The following SKAP2 variants were observed in gnomAD, a reference collection of about 807,000 sequenced individuals.
SKAP2 encodes src kinase associated phosphoprotein 2, also known as src kinase-associated phosphoprotein 2.
Under a neutral mutation model 54.9 loss-of-function variants are expected in SKAP2, and 28 were observed. The observed-to-expected ratio is 0.51, with a 90% CI of 0.38 to 0.70. SKAP2 has a LOEUF of 0.70. Ranked by LOEUF, SKAP2 falls within the 30% of genes least tolerant of loss-of-function variation. The pLI is 0.00. For missense variants in SKAP2, 356 were observed against 424.1 expected, an observed-to-expected ratio of 0.84 and a Z score of 1.41; for synonymous variants, 137 against 134.3, an observed-to-expected ratio of 1.02 and a Z score of -0.14.
intron 4 of SKAP2, among the ~76,000 whole-genome samples, chr7:26,752,346 T>C (rs1054267415): frequency 2.0e-5 from 3 of 152,182 alleles, no homozygotes; most frequent in Non-Finnish European, 4.4e-5. Flanking sequence ...TTTTACAGTA[T>C]ATAAAATAAA....
At chr7:26,795,727 T>A (rs1168404105) in intron 4 of SKAP2, among the ~76,000 whole-genome samples, 1 of 152,162 alleles carries the variant, frequency 6.6e-6, no homozygotes, top group Non-Finnish European at 1.5e-5. Context: ...CTATGAAGAG[T>A]ACTGTTTGAG....
intron 4 of SKAP2, among the ~76,000 whole-genome samples, chr7:26,788,560 T>G (rs1783606901): frequency 6.6e-6 from 1 of 152,124 alleles, no homozygotes; most frequent in Non-Finnish European, 1.5e-5. Flanking sequence ...CTGTTCTAAC[T>G]GAAAATAAAG....
rs531428641 is a variant in SKAP2, at chr7:26,701,895, T to C, written c.797-11533A>G. On this transcript the variant is annotated intron_variant, in intron 9 of 12. Coordinates refer to ENST00000345317, the MANE Select transcript of SKAP2 (RefSeq NM_003930.5). Reference sequence around the variant, plus strand: ...TTTAAAAATACTTGTTTGTCATTAATACCACAAAATACCACAATATTTTTG... The same window carrying C: ...TTTAAAAATACTTGTTTGTCATTAACACCACAAAATACCACAATATTTTTG... Among the ~76,000 whole-genome samples the C allele has an allele frequency of 2.6e-5, 4 of 152,296 alleles. No homozygotes were observed. The South Asian group carries it at 6.2e-4, about 24-fold the overall frequency.
In SKAP2 at chr7:26,667,169, TAATC is replaced by T. The variant is rs1177289368; in HGVS notation, c.*2493_*2496del. 1.2e-4 allele frequency: 19 copies of T among 152,160 alleles called. No individual in the cohort carries two copies. Among genetic ancestry groups the T allele is most frequent in the East Asian group, 9.6e-4 (5 of 5,184 alleles). 9.4% of individuals were successfully genotyped at this position (152,160 alleles called of 1,614,324 possible). ...GAGTACAAATTCAGTACAGAGCAAATAATCAAGCAAAATGCTATATAAAATATGA... is the reference window on the plus strand; with the variant it reads ...GAGTACAAATTCAGTACAGAGCAAATAAGCAAAATGCTATATAAAATATGA... On this transcript the variant is annotated 3_prime_UTR_variant, in exon 13 of 13. Coordinates refer to ENST00000345317, the MANE Select transcript of SKAP2 (RefSeq NM_003930.5).
In SKAP2 at chr7:26,684,756, C is replaced by T. The variant is rs1786591718; in HGVS notation, c.967G>A (p.Val323Met). 4 of 1,609,810 alleles carry T rather than the reference C, an allele frequency of 2.5e-6. No individual in the cohort carries two copies. The highest frequency in any genetic ancestry group is 3.4e-6 in the Non-Finnish European group (4 of 1,176,382). The change falls in exon 11 of 13, where the codon GTG (valine) becomes ATG (methionine). Residue 323 changes from valine (V) to methionine (M), a missense_variant. Coordinates refer to ENST00000345317, the MANE Select transcript of SKAP2 (RefSeq NM_003930.5). ...SDELSFKRGD[V>M]IYILSKEYNR... is the part of the protein sequence containing the mutation. Reference sequence around the variant, plus strand: ...CTTACCTTGCTAAGAATGTAAATCACATCACCACGCTTAAATGACAACTCA... The same window carrying T: ...CTTACCTTGCTAAGAATGTAAATCATATCACCACGCTTAAATGACAACTCA...
chr7:26,776,603 C>T (rs1296325308), intron 4 of SKAP2, among the ~76,000 whole-genome samples: 1 of 152,114 alleles, frequency 6.6e-6, no homozygotes, highest in Non-Finnish European at 1.5e-5. Context: ...TCAACTCTAT[C>T]TCCGAAATAT....
intron 4 of SKAP2, among the ~76,000 whole-genome samples, chr7:26,790,678 G>GT (rs1247967133): frequency 6.6e-6 from 1 of 152,098 alleles, no homozygotes. Context: ...ACATTTCTAA[G>GT]TTTTTTAAAG....
intron 1 of SKAP2, chr7:26,857,595 G>A (rs1326056899): frequency 1.4e-5 from 14 of 985,304 alleles, no homozygotes; most frequent in Non-Finnish European, 1.7e-5. Context: ...CAAAGAAGTT[G>A]TAGGGCTGCG....
chr7:26,739,218 A>T (rs1469046292), intron 5 of SKAP2, among the ~76,000 whole-genome samples: 1 of 152,202 alleles, frequency 6.6e-6, no homozygotes, highest in East Asian at 1.9e-4. Context: ...GAGCTAACCT[A>T]GATTATTTCT....
intron 4 of SKAP2, among the ~76,000 whole-genome samples, chr7:26,779,996 CTG>C (rs1304163163): frequency 6.6e-6 from 1 of 152,032 alleles, no homozygotes; most frequent in Non-Finnish European, 1.5e-5. Flanking sequence ...AAGGAAAACA[CTG>C]TTATCTCTGA....
intron 11 of SKAP2, among the ~76,000 whole-genome samples, chr7:26,678,921 A>G (rs1443286888): frequency 6.6e-6 from 1 of 152,222 alleles, no homozygotes; most frequent in Non-Finnish European, 1.5e-5. Flanking sequence ...ACATCTCAAA[A>G]GAGTGAAAGT....
At chr7:26,676,187 T>C (rs1786346168) in intron 11 of SKAP2, among the ~76,000 whole-genome samples, 1 of 152,194 alleles carries the variant, frequency 6.6e-6, no homozygotes, top group Non-Finnish European at 1.5e-5. Context: ...AAATCTTTTA[T>C]TATATTTACT....
chr7:26,723,082 C>T (rs1156815368), intron 9 of SKAP2, among the ~76,000 whole-genome samples: 1 of 152,188 alleles, frequency 6.6e-6, no homozygotes, highest in Non-Finnish European at 1.5e-5. Flanking sequence ...GTTCTAACTC[C>T]TCTATCAAAA....
chr7:26,837,174 A>G (rs1209726228), intron 4 of SKAP2, among the ~76,000 whole-genome samples: 1 of 151,918 alleles, frequency 6.6e-6, no homozygotes, highest in Non-Finnish European at 1.5e-5. Flanking sequence ...ATCACACACC[A>G]TGGCCTGTCA....
At chr7:26,675,382 C>T (rs1224072454) in intron 11 of SKAP2, among the ~76,000 whole-genome samples, 1 of 152,192 alleles carries the variant, frequency 6.6e-6, no homozygotes, top group Non-Finnish European at 1.5e-5. Context: ...ACTCAGCTGT[C>T]ATGATTTTTT....
intron 6 of SKAP2, among the ~76,000 whole-genome samples, chr7:26,734,998 G>C (rs1372612720): frequency 6.6e-6 from 1 of 152,074 alleles, no homozygotes; most frequent in Non-Finnish European, 1.5e-5. Flanking sequence ...AACTTCCCTA[G>C]GCAATTAGTT....
intron 3 of SKAP2, among the ~76,000 whole-genome samples, chr7:26,846,417 C>T (rs980002917): frequency 4.0e-5 from 6 of 151,770 alleles, no homozygotes; most frequent in Non-Finnish European, 8.8e-5. Context: ...TTGATAACAT[C>T]CATTATTATG....
chr7:26,764,442 T>C (rs1034644557), intron 4 of SKAP2, among the ~76,000 whole-genome samples: 1 of 152,142 alleles, frequency 6.6e-6, no homozygotes, highest in Admixed American at 6.5e-5. Flanking sequence ...ATGAGAGGCA[T>C]AGACTAGATA....
intron 4 of SKAP2, among the ~76,000 whole-genome samples, chr7:26,841,946 A>G (rs1176816158): frequency 1.3e-5 from 2 of 151,912 alleles, no homozygotes; most frequent in Non-Finnish European, 2.9e-5. Context: ...TATCTTTTTT[A>G]TAATTAATAT....
Sources: gnomAD v4.1 joint callset for allele counts (sites outside exome capture counted in the v4.1 genomes callset) on GRCh38, gnomAD v4.1.1 for gene constraint, MANE v1.5 for transcripts, NCBI Gene and HGNC (gene_info 2026-07-23, HGNC 2026-07-21) for gene names.